The following POFUT1 variants were observed in gnomAD, a reference collection of about 807,000 sequenced individuals.
POFUT1 encodes the protein GDP-fucose protein O-fucosyltransferase 1.
In POFUT1, 16 loss-of-function variants were observed where a neutral mutation model predicts 42.4. The ratio of observed to expected loss-of-function variants is 0.38; its 90% CI spans 0.26 to 0.57. The LOEUF is 0.57. POFUT1 is among the 20% of genes least tolerant of loss of function. POFUT1 has a pLI of 0.71. For missense variants in POFUT1, 470 were observed against 504.6 expected, an observed-to-expected ratio of 0.93 and a Z score of 0.66; for synonymous variants, 206 against 205.4, an observed-to-expected ratio of 1.00 and a Z score of -0.03.
chr20:32,208,209 C>T, intron 1 of POFUT1, 144 bp downstream of exon 1: 1 of 855,048 alleles, frequency 1.2e-6, no homozygotes, highest in Non-Finnish European at 1.8e-6. Flanking sequence ...TCCTCTCTGC[C>T]TTAGTTGCAA....
At chr20:32,234,445 C>T (rs1220506350) in intron 6 of POFUT1, 28 bp from the exon 7 acceptor site, 1 of 1,568,316 alleles carries the variant, frequency 6.4e-7, no homozygotes, top group Non-Finnish European at 8.7e-7. Flanking sequence ...GCCACCCCAG[C>T]TTATATGCTC....
At position 32,230,753 on chromosome 20, in the gene POFUT1, C is replaced by T. The variant is rs532409677; in HGVS notation, c.736-66C>T. The stretch of plus-strand genomic sequence containing the variant: ...TGTATAGCCTGTCTTTTTCCACTTA[C>T]CAGGTCTTGCTTCTGGGGTTCCAGG... On this transcript the variant is annotated intron_variant, in intron 5 of 6. Coordinates refer to ENST00000375749, the MANE Select transcript of POFUT1 (RefSeq NM_015352.2). 1.9e-5 allele frequency: 30 copies of T among 1,569,986 alleles called. No homozygotes were observed. The African/African-American group carries it at 3.5e-4, about 18-fold the overall frequency.
chr20:32,230,734 G>A (rs6141642), intron 5 of POFUT1, 85 bp from the exon 6 acceptor site: 1 of 1,466,372 alleles, frequency 6.8e-7, no homozygotes, highest in Non-Finnish European at 9.3e-7. Flanking sequence ...TTCCTGTATA[G>A]CCTGTCTTTT....
At chr20:32,214,862 A>C (rs1231317815) in intron 2 of POFUT1, among the ~76,000 whole-genome samples, 1 of 152,078 alleles carries the variant, frequency 6.6e-6, no homozygotes, top group Non-Finnish European at 1.5e-5. Context: ...ATTGTCATGT[A>C]GTCTGAACTG....
rs1048900154 is a variant in POFUT1, at chr20:32,230,838, T to C, written c.755T>C (p.Leu252Pro). Residue 252 changes from leucine (L) to proline (P), a missense_variant, in exon 6 of 7, where the codon CTG becomes CCG. Coordinates refer to ENST00000375749, the MANE Select transcript of POFUT1 (RefSeq NM_015352.2). ...GSDWKNACAM[L>P]KDGTAGSHFM... Reference sequence around the variant, plus strand: ...CCGTAGAAGAACGCCTGTGCCATGCTGAAGGACGGGACTGCAGGCTCGCAC... The same window carrying C: ...CCGTAGAAGAACGCCTGTGCCATGCCGAAGGACGGGACTGCAGGCTCGCAC... 4 of 1,613,858 alleles carry C rather than the reference T, an allele frequency of 2.5e-6. No homozygotes were observed. The African/African-American group carries it at 5.3e-5, about 22-fold the overall frequency.
chr20:32,216,327 C>T (rs925424117), intron 3 of POFUT1, among the ~76,000 whole-genome samples: 2 of 152,154 alleles, frequency 1.3e-5, no homozygotes, highest in Non-Finnish European at 2.9e-5. Flanking sequence ...GTTCAAAATC[C>T]AAGGTCTGCT....
chr20:32,221,011 G>A (rs1471115787), intron 4 of POFUT1, among the ~76,000 whole-genome samples: 1 of 152,112 alleles, frequency 6.6e-6, no homozygotes, highest in Non-Finnish European at 1.5e-5. Context: ...ACTTCTGTCG[G>A]GTGCTATTGG....
At chr20:32,215,243 G>C in intron 2 of POFUT1, 26 bp from the exon 3 acceptor site, 1 of 1,588,656 alleles carries the variant, frequency 6.3e-7, no homozygotes, top group Non-Finnish European at 8.6e-7. Context: ...ACTGAGACGG[G>C]ACCTCTGCTC....
chr20:32,228,538 C>A, intron 5 of POFUT1, 83 bp downstream of exon 5: 1 of 1,193,412 alleles, frequency 8.4e-7, no homozygotes, highest in Non-Finnish European at 1.2e-6. Flanking sequence ...GGCCCCGCGT[C>A]CCAGCCAGAG....
At chr20:32,228,904 G>A (rs2047428630) in intron 5 of POFUT1, among the ~76,000 whole-genome samples, 1 of 152,152 alleles carries the variant, frequency 6.6e-6, no homozygotes, top group Non-Finnish European at 1.5e-5. Context: ...TTCCAATGAG[G>A]TTTTCACCTC....
At chr20:32,219,084 T>G (rs1344204525) in intron 4 of POFUT1, among the ~76,000 whole-genome samples, 1 of 152,154 alleles carries the variant, frequency 6.6e-6, no homozygotes, top group African/African-American at 2.4e-5. Flanking sequence ...AGGGCTGGTT[T>G]GGATGCTGGG....
At chr20:32,225,377 C>T (rs563649213) in intron 4 of POFUT1, among the ~76,000 whole-genome samples, 9 of 152,010 alleles carry the variant, frequency 5.9e-5, no homozygotes, top group East Asian at 1.9e-4. Context: ...TTAGTAGAGA[C>T]GGGGTTTCGC....
At position 32,230,558 on chromosome 20, in the gene POFUT1, G is replaced by T. The variant is rs192953311; in HGVS notation, c.736-261G>T. 9.9e-3 allele frequency among the ~76,000 whole-genome samples: 1,496 copies of T among 151,878 alleles called. 27 individuals carry two copies. Among genetic ancestry groups the T allele is most frequent in the African/African-American group, 0.034 (1,423 of 41,400 alleles). On this transcript the variant is annotated intron_variant, in intron 5 of 6. Transcript: ENST00000375749. ...AAAAATACAAAAAGTAGCCGGGCATGGTGGCGGGTGCCTGTAGTTCCAGCT... is the reference window on the plus strand; with the variant it reads ...AAAAATACAAAAAGTAGCCGGGCATTGTGGCGGGTGCCTGTAGTTCCAGCT...
chr20:32,225,892 T>A (rs1431526077), intron 4 of POFUT1, among the ~76,000 whole-genome samples: 3 of 152,224 alleles, frequency 2.0e-5, no homozygotes, highest in African/African-American at 7.2e-5. Context: ...AGTGGTAAAG[T>A]CACCTGCCCA....
rs34451116 is a variant in POFUT1 at position 32,228,355 on chromosome 20, T to C, written c.635T>C (p.Met212Thr). The C allele has an allele frequency of 3.1e-6, 5 of 1,613,970 alleles. No individual in the cohort carries two copies. Among genetic ancestry groups the C allele is most frequent in the African/African-American group, 1.3e-5 (1 of 74,908 alleles). ...LEEHRPLQKYMVWSDEMVKTG... is the reference protein window; with the variant it reads ...LEEHRPLQKYTVWSDEMVKTG... ...GAACACAGGCCACTACAGAAGTACA[T>C]GGTATGGTCAGACGAAATGGTGAAG... is the stretch of plus-strand genomic sequence containing the variant. Residue 212 changes from methionine to threonine, a missense_variant, in exon 5 of 7, where the codon ATG (methionine) becomes ACG (threonine). Coordinates refer to ENST00000375749, the MANE Select transcript of POFUT1 (RefSeq NM_015352.2).
chr20:32,234,147 A>T (rs117545585), intron 6 of POFUT1, among the ~76,000 whole-genome samples: 3 of 152,212 alleles, frequency 2.0e-5, no homozygotes, highest in Non-Finnish European at 4.4e-5. Context: ...GCAAAAGCCC[A>T]TCTCAAAAAA....
At chr20:32,212,003 A>T (rs1320228651) in intron 2 of POFUT1, among the ~76,000 whole-genome samples, 1 of 152,176 alleles carries the variant, frequency 6.6e-6, no homozygotes, top group Non-Finnish European at 1.5e-5. Context: ...CTCAGATGTT[A>T]TCTAGATTCT....
rs2047480316 is a variant in POFUT1 at position 32,237,873 on chromosome 20, A to G, written c.*3212A>G. 1 of 532,574 alleles carries G rather than the reference A, an allele frequency of 1.9e-6. No homozygotes were observed. Among genetic ancestry groups the G allele is most frequent in the Admixed American group, 2.0e-5 (1 of 51,216 alleles). The allele number at this position is 532,574 out of a possible 1,614,324, so 33.0% of individuals were successfully genotyped here. A position where few individuals can be genotyped will look rare whatever the true frequency, so the allele number is the denominator to read the frequency against. On this transcript the variant is annotated 3_prime_UTR_variant, in exon 7 of 7. Coordinates refer to ENST00000375749, the MANE Select transcript of POFUT1 (RefSeq NM_015352.2). ...CAAGAGACAAAGGCCATTGCATTGA[A>G]GGAGGTGGGAAATGATTAGATTCTG...
intron 6 of POFUT1, 105 bp downstream of exon 6, chr20:32,231,166 T>G (rs2047441816): frequency 1.6e-6 from 2 of 1,263,934 alleles, no homozygotes; most frequent in African/African-American, 2.9e-5. Context: ...ACAAGCCTTT[T>G]GCCTGGACCT....
Sources: allele counts gnomAD v4.1 joint callset (sites outside exome capture counted in the v4.1 genomes callset), GRCh38; gene constraint gnomAD v4.1.1; transcripts MANE v1.5; gene names NCBI Gene and HGNC (gene_info 2026-07-23, HGNC 2026-07-21).